DIRAS2: variants seen among roughly 807,000 people sequenced by gnomAD.
DIRAS2 encodes the protein GTP-binding protein Di-Ras2.
In DIRAS2, 5 loss-of-function variants were observed where a neutral mutation model predicts 13.9. The observed-to-expected ratio is 0.36, with a 90% CI of 0.19 to 0.76. DIRAS2 has a LOEUF of 0.76. DIRAS2 is among the 30% of genes least tolerant of loss of function. DIRAS2 has a pLI of 0.53. For synonymous variants in DIRAS2, 111 were observed against 105.4 expected, an observed-to-expected ratio of 1.05 and a Z score of -0.33; for missense variants, 191 against 263.0, an observed-to-expected ratio of 0.73 and a Z score of 1.89.
At chr9:90,621,805 C>T (rs1162624768) in intron 1 of DIRAS2, among the ~76,000 whole-genome samples, 1 of 152,210 alleles carries the variant, frequency 6.6e-6, no homozygotes. Context: ...TATCTATCTA[C>T]AAAATTAACA....
intron 1 of DIRAS2, among the ~76,000 whole-genome samples, chr9:90,638,647 T>C (rs1825392227): frequency 6.6e-6 from 1 of 151,998 alleles, no homozygotes; most frequent in Non-Finnish European, 1.5e-5. Context: ...TGTGTGTGTG[T>C]GTGTGTGTGT....
intron 1 of DIRAS2, among the ~76,000 whole-genome samples, chr9:90,636,877 A>G (rs1825376429): frequency 6.6e-6 from 1 of 152,154 alleles, no homozygotes; most frequent in Non-Finnish European, 1.5e-5. Context: ...ATATCACGTC[A>G]AAAATGCATT....
intron 1 of DIRAS2, among the ~76,000 whole-genome samples, chr9:90,639,775 A>G (rs1405779622): frequency 6.6e-6 from 1 of 152,246 alleles, no homozygotes; most frequent in Non-Finnish European, 1.5e-5. Context: ...CTTTCTGATA[A>G]AGAACTAAGT....
intron 1 of DIRAS2, among the ~76,000 whole-genome samples, chr9:90,618,665 A>G (rs1825191325): frequency 6.6e-6 from 1 of 152,222 alleles, no homozygotes; most frequent in South Asian, 2.1e-4. Context: ...TAGTTCTGGT[A>G]TATACAAAGA....
rs1825247578 is a variant in DIRAS2 at position 90,624,258 on chromosome 9, A to T, written c.-36-10395T>A. ...ATATATTTTTAGAATCTTGATTTAA[A>T]TAAATGTTTACTTTATATTCCTTCT... On this transcript the variant is annotated intron_variant, in intron 1 of 1. Transcript: ENST00000375765. Among the ~76,000 whole-genome samples the T allele has an allele frequency of 2.0e-5, 3 of 152,378 alleles. No homozygotes were observed. The South Asian group carries it at 6.2e-4, about 32-fold the overall frequency.
chr9:90,630,785 A>G (rs577221943), intron 1 of DIRAS2, among the ~76,000 whole-genome samples: 3 of 152,362 alleles, frequency 2.0e-5, no homozygotes, highest in African/African-American at 7.2e-5. Context: ...AAAAATATGC[A>G]TACTTTCTTC....
chr9:90,624,802 C>A (rs1234999931), intron 1 of DIRAS2, among the ~76,000 whole-genome samples: 2 of 151,968 alleles, frequency 1.3e-5, no homozygotes, highest in East Asian at 3.9e-4. Context: ...ACCTCTTCGG[C>A]CTCCCGGGTT....
At chr9:90,616,867 G>A (rs1323917906) in intron 1 of DIRAS2, among the ~76,000 whole-genome samples, 1 of 152,006 alleles carries the variant, frequency 6.6e-6, no homozygotes, top group Admixed American at 6.6e-5. Flanking sequence ...AGCACTCACA[G>A]CATTAGAGGG....
intron 1 of DIRAS2, among the ~76,000 whole-genome samples, chr9:90,636,751 A>G (rs1398598301): frequency 1.3e-5 from 2 of 152,240 alleles, no homozygotes; most frequent in Non-Finnish European, 2.9e-5. Context: ...ATTGATAGCT[A>G]TTTAGTCAGA....
rs773173910 is a variant in DIRAS2, at chr9:90,610,340, T to C, written c.*2888A>G. The C allele has an allele frequency of 2.8e-5, 11 of 398,748 alleles. No homozygotes were observed. Among genetic ancestry groups the C allele is most frequent in the Non-Finnish European group, 4.9e-5 (11 of 225,998 alleles). 24.7% of individuals were successfully genotyped at this position (398,748 alleles called of 1,614,324 possible). ...GCAGGAAGATAAATTATATATTTTA[T>C]ATACATGTAATTTTAGATAGAATGA... On this transcript the variant is annotated 3_prime_UTR_variant, in exon 2 of 2. Transcript: ENST00000375765.
intron 1 of DIRAS2, chr9:90,626,205 G>C (rs117008219): frequency 0.032 from 4,716 of 147,382 alleles, 127 homozygotes; most frequent in South Asian, 0.12. Flanking sequence ...AAAATAGAGA[G>C]ACCCTATGGA....
intron 1 of DIRAS2, among the ~76,000 whole-genome samples, chr9:90,620,143 T>G (rs966309017): frequency 3.3e-5 from 5 of 152,170 alleles, no homozygotes; most frequent in African/African-American, 9.7e-5. Context: ...ACCCTGCGAA[T>G]GTACTAAAAA....
chr9:90,621,391 G>A (rs371642485), intron 1 of DIRAS2, among the ~76,000 whole-genome samples: 6 of 152,216 alleles, frequency 3.9e-5, no homozygotes, highest in East Asian at 1.9e-4. Context: ...TGGCAGGTCC[G>A]TCTTCAAGGA....
In DIRAS2 at chr9:90,640,650, T is replaced by C. The variant is rs373989369; in HGVS notation, c.-37+2102A>G. On this transcript the variant is annotated intron_variant, in intron 1 of 1. Transcript: ENST00000375765. ...ACTGTCAATACTTATACCAGGTAGATAGACTGATGATAGATAGAGGCAATC... is the reference window on the plus strand; with the variant it reads ...ACTGTCAATACTTATACCAGGTAGACAGACTGATGATAGATAGAGGCAATC... Among the ~76,000 whole-genome samples the C allele has an allele frequency of 9.9e-5, 15 of 152,214 alleles. No individual in the cohort carries two copies. The East Asian group carries it at 1.5e-3, about 16-fold the overall frequency.
At position 90,611,588 on chromosome 9, in the gene DIRAS2, G is replaced by A. The variant is rs1297294716; in HGVS notation, c.*1640C>T. 6.6e-6 allele frequency: 1 copy of A among 152,376 alleles called. No homozygotes were observed. The highest frequency in any genetic ancestry group is 1.5e-5 in the Non-Finnish European group (1 of 68,168). The allele number at this position is 152,376 out of a possible 1,614,324, so 9.4% of individuals were successfully genotyped here. A position where few individuals can be genotyped will look rare whatever the true frequency, so the allele number is the denominator to read the frequency against. ...CCACACTGCTGCTGCTGCAAGCCCT[G>A]CATAGGAGGGACAGGAGAAACAGCA... is the stretch of plus-strand genomic sequence containing the variant. On this transcript the variant is annotated 3_prime_UTR_variant, in exon 2 of 2. Transcript: ENST00000375765.
chr9:90,622,888 G>A (rs1038270748), intron 1 of DIRAS2, among the ~76,000 whole-genome samples: 3 of 152,254 alleles, frequency 2.0e-5, no homozygotes, highest in Admixed American at 6.5e-5. Context: ...AAAGCCTGGG[G>A]ACACTTTCTT....
At position 90,610,666 on chromosome 9, in the gene DIRAS2, T is replaced by C. The variant is rs149916507; in HGVS notation, c.*2562A>G. ...ATTCTGTGATACTAACTCCTCAAAC[T>C]CTGAGTCAATTGGGGATCTCCTAAA... On this transcript the variant is annotated 3_prime_UTR_variant, in exon 2 of 2. Coordinates refer to ENST00000375765, the MANE Select transcript of DIRAS2 (RefSeq NM_017594.5). The C allele has an allele frequency of 1.6e-5, 6 of 369,626 alleles. No individual in the cohort carries two copies. In the East Asian group the frequency reaches 2.3e-4, roughly 14 times the overall value. The allele number at this position is 369,626 out of a possible 1,614,324, so 22.9% of individuals were successfully genotyped here. A position where few individuals can be genotyped will look rare whatever the true frequency, so the allele number is the denominator to read the frequency against.
chr9:90,625,486 A>C (rs904943709), intron 1 of DIRAS2, among the ~76,000 whole-genome samples: 2 of 152,162 alleles, frequency 1.3e-5, no homozygotes, highest in Non-Finnish European at 2.9e-5. Flanking sequence ...TATTTGAGTT[A>C]ATTCTTATAT....
At chr9:90,624,131 A>G (rs543460018) in intron 1 of DIRAS2, among the ~76,000 whole-genome samples, 2 of 152,256 alleles carry the variant, frequency 1.3e-5, no homozygotes, top group Admixed American at 6.5e-5. Flanking sequence ...AAGTTGGTAC[A>G]TGGGAGCCCT....
Sources: gnomAD v4.1 joint callset for allele counts (sites outside exome capture counted in the v4.1 genomes callset) on GRCh38, gnomAD v4.1.1 for gene constraint, MANE v1.5 for transcripts, NCBI Gene and HGNC (gene_info 2026-07-23, HGNC 2026-07-21) for gene names.